The following RAB37 variants were observed in gnomAD, a reference collection of about 807,000 sequenced individuals.
RAB37 encodes the protein RAB37, member RAS oncogene family, also known as ras-related protein Rab-37.
Under a neutral mutation model 33.1 loss-of-function variants are expected in RAB37, and 29 were observed. The ratio of observed to expected loss-of-function variants is 0.88; its 90% confidence interval spans 0.65 to 1.20. The LOEUF (loss-of-function observed/expected upper bound fraction) is 1.20. Among genes scored for constraint, RAB37 ranks in the 50% most tolerant of loss-of-function variants. The probability of loss-of-function intolerance (pLI) is 0.00; values close to 1 mark genes in which losing one functional copy is unlikely to be tolerated. For missense variants in RAB37, 299 were observed against 301.1 expected (o/e 0.99, Z 0.05); for synonymous variants, 128 against 119.5 (o/e 1.07, Z -0.47).
chr17:74,745,418 G>A lies in RAB37; in HGVS notation c.*7G>A. The stretch of plus-strand genomic sequence containing the variant: ...CTGCTGCTCCTTCATGTGAATCCCA[G>A]GGGGCAGAGAGGAGGCTCTGGAGGC... On this transcript the variant is annotated 3_prime_UTR_variant, in exon 9 of 9. Transcript: ENST00000392613. This position sits in a 1 kb window ranked among gnomAD's most constrained non-coding sequence, Gnocchi z 4.5. The A allele has an allele frequency of 6.2e-7, 1 of 1,610,812 alleles. No individual in the cohort carries two copies. The highest frequency in any genetic ancestry group is 8.5e-7 in the Non-Finnish European group (1 of 1,177,064).
At chr17:74,690,339 C>T (rs2143501806) in intron 1 of RAB37, among the ~76,000 whole-genome samples, 1 of 152,210 alleles carries the variant, frequency 6.6e-6, no homozygotes, top group Non-Finnish European at 1.5e-5. Context: ...TAATTAGGCA[C>T]TCAATCAGGA....
intron 1 of RAB37, among the ~76,000 whole-genome samples, chr17:74,674,827 A>G (rs2031788390): frequency 6.6e-6 from 1 of 152,214 alleles, no homozygotes; most frequent in South Asian, 2.1e-4. Flanking sequence ...GCCCCCTCCC[A>G]CATTCCACTT....
Position 74,671,807 on chromosome 17 carries a change from C to T in RAB37, c.72+149C>T. ...GAGCCCTTTCTGTCTGATCCTGTTT[C>T]CTGCTCAAAACAGAGATGCGTGAGC... On this transcript the variant is annotated intron_variant, in intron 1 of 7. Coordinates refer to the RAB37 transcript ENST00000340415. This position sits in a 1 kb window ranked among gnomAD's most constrained non-coding sequence, Gnocchi z 5.0. The T allele has an allele frequency of 1.4e-6, 1 of 708,224 alleles. No homozygotes were observed. The highest frequency in any genetic ancestry group is 2.4e-6 in the Non-Finnish European group (1 of 413,856). The allele number at this position is 708,224 out of a possible 1,614,324, so 43.9% of individuals were successfully genotyped here.
At chr17:74,719,242 G>A (rs1167896326) in intron 1 of RAB37, among the ~76,000 whole-genome samples, 2 of 152,146 alleles carry the variant, frequency 1.3e-5, no homozygotes, top group East Asian at 1.9e-4. Context: ...GAGCCCAGGA[G>A]ATCGAGACCA....
Position 74,729,559 on chromosome 17 carries a change from A to G in RAB37, c.183+193A>G, listed in dbSNP as rs1423572988. Among the ~76,000 whole-genome samples, 1 of 152,036 alleles carries G rather than the reference A, an allele frequency of 6.6e-6. No homozygotes were observed. Among genetic ancestry groups the G allele is most frequent in the African/African-American group, 2.4e-5 (1 of 41,394 alleles). The stretch of plus-strand genomic sequence containing the variant: ...AGGGTATACTGCCCCTGGGTAGTCC[A>G]GGAACTCCGCCCACCTCTAGCCTCA... On this transcript the variant is annotated intron_variant, in intron 2 of 7. Coordinates refer to the RAB37 transcript ENST00000340415. The surrounding 1 kb of genome is among the most constrained non-coding windows in gnomAD (Gnocchi z 4.2).
At chr17:74,741,665 G>A (rs1224071544) in intron 2 of RAB37, among the ~76,000 whole-genome samples, 2 of 151,404 alleles carry the variant, frequency 1.3e-5, no homozygotes, top group African/African-American at 2.4e-5. Context: ...TCACCTTGAC[G>A]ACTCCATCTT....
chr17:74,743,352 C>G lies in RAB37; in HGVS notation c.366+12C>G, dbSNP rs768496762. On this transcript the variant is annotated intron_variant, in intron 5 of 8. Coordinates refer to ENST00000392613, the MANE Select transcript of RAB37 (RefSeq NM_001006638.3). ...TCGACAACATCAGGGTAGGTCCTCC[C>G]TTCCCCTGACTCCCACCCATAAGCA... The G allele has an allele frequency of 1.2e-6, 2 of 1,613,830 alleles. No homozygotes were observed. Among genetic ancestry groups the G allele is most frequent in the Admixed American group, 3.3e-5 (2 of 60,022 alleles).
At position 74,719,643 on chromosome 17, in the gene RAB37, C is replaced by T. The variant is rs565788495; in HGVS notation, c.73-9613C>T. On this transcript the variant is annotated intron_variant, in intron 1 of 7. Coordinates refer to the RAB37 transcript ENST00000340415. ...AGTAATCCTCCTGCCTCAGCCTCCC[C>T]AATAGCTGGGAATACAGGCATGCAC... 1.6e-4 allele frequency among the ~76,000 whole-genome samples: 25 copies of T among 152,012 alleles called. No individual in the cohort carries two copies. In the South Asian group the frequency reaches 3.7e-3, roughly 23 times the overall value.
Position 74,745,248 on chromosome 17 carries a change from C to T in RAB37, c.567-58C>T, listed in dbSNP as rs1281817844. The T allele has an allele frequency of 2.7e-5, 43 of 1,566,688 alleles. No homozygotes were observed. Among genetic ancestry groups the T allele is most frequent in the Non-Finnish European group, 3.7e-5 (42 of 1,138,002 alleles). On this transcript the variant is annotated intron_variant, in intron 8 of 8. Transcript: ENST00000392613. This position sits in a 1 kb window ranked among gnomAD's most constrained non-coding sequence, Gnocchi z 4.5. ...GCCACTGGGAGAGGGGAGGGGGCGGCTCAGCTCCTCACCCCAGCCCAGCCC... is the reference window on the plus strand; with the variant it reads ...GCCACTGGGAGAGGGGAGGGGGCGGTTCAGCTCCTCACCCCAGCCCAGCCC...
chr17:74,729,412 C>A lies in RAB37; in HGVS notation c.183+46C>A. ...CCAGCTCTGGGCCTGGGCTCAGGAC[C>A]CCAGCGTGTTTCTGTTGAGTGCCAG... On this transcript the variant is annotated intron_variant, in intron 2 of 7. Coordinates refer to the RAB37 transcript ENST00000340415. The surrounding 1 kb of genome is among the most constrained non-coding windows in gnomAD (Gnocchi z 4.2). The A allele has an allele frequency of 7.4e-7, 1 of 1,356,748 alleles. No homozygotes were observed. The highest frequency in any genetic ancestry group is 1.7e-5 in the Admixed American group (1 of 59,690). The allele number at this position is 1,356,748 out of a possible 1,614,324, so 84.0% of individuals were successfully genotyped here.
chr17:74,671,503 G>T lies in RAB37; in HGVS notation c.-84G>T, dbSNP rs2031704322. On this transcript the variant is annotated 5_prime_UTR_variant, in exon 1 of 8. Transcript: ENST00000340415. This position sits in a 1 kb window ranked among gnomAD's most constrained non-coding sequence, Gnocchi z 5.0. ...CGCAGAGCTCAGACCCAAGCCTGCC[G>T]CACCCAGCGGAGCTCGAACCGAGCT... 3.8e-6 allele frequency: 5 copies of T among 1,323,644 alleles called. No homozygotes were observed. In the South Asian group the frequency reaches 4.7e-5, roughly 13 times the overall value. 82.0% of individuals were successfully genotyped at this position (1,323,644 alleles called of 1,614,324 possible).
chr17:74,684,958 A>G (rs1421421223), intron 1 of RAB37, among the ~76,000 whole-genome samples: 1 of 152,182 alleles, frequency 6.6e-6, no homozygotes, highest in Non-Finnish European at 1.5e-5. Flanking sequence ...TAATCACTAC[A>G]TAGAATTCCA....
At position 74,746,654 on chromosome 17, in the gene RAB37, T is replaced by C. The variant is rs1015822456; in HGVS notation, c.*1243T>C. On this transcript the variant is annotated 3_prime_UTR_variant, in exon 9 of 9. Coordinates refer to ENST00000392613, the MANE Select transcript of RAB37 (RefSeq NM_001006638.3). The surrounding 1 kb of genome is among the most constrained non-coding windows in gnomAD (Gnocchi z 5.2). ...AAATCCCTTTCCTAGGTTTGGAATG[T>C]GTTGTGAAAAAAAAGAGAAATCCCT... 6 of 151,990 alleles carry C rather than the reference T, an allele frequency of 3.9e-5. No individual in the cohort carries two copies. The highest frequency in any genetic ancestry group is 1.5e-4 in the African/African-American group (6 of 41,312). 9.4% of individuals were successfully genotyped at this position (151,990 alleles called of 1,614,324 possible).
At chr17:74,680,382 C>A (rs1333489418) in intron 1 of RAB37, among the ~76,000 whole-genome samples, 1 of 152,098 alleles carries the variant, frequency 6.6e-6, no homozygotes, top group African/African-American at 2.4e-5. Context: ...GGCTCCATCT[C>A]TCCAGTCAGG....
At position 74,705,217 on chromosome 17, in the gene RAB37, A is replaced by G. The variant is rs61738885; in HGVS notation, c.73-24039A>G. On this transcript the variant is annotated intron_variant, in intron 1 of 7. Coordinates refer to the RAB37 transcript ENST00000340415. ...ACAGGGTCTTACCTTGACTCTTAGC[A>G]CTGATGACCCTCATGAGGTCGAGCT... is the stretch of plus-strand genomic sequence containing the variant. 1.5e-3 allele frequency: 1,062 copies of G among 702,394 alleles called. 10 individuals carry two copies. The African/African-American group carries it at 0.017, about 11-fold the overall frequency. The allele number at this position is 702,394 out of a possible 1,614,324, so 43.5% of individuals were successfully genotyped here.
chr17:74,713,426 C>T (rs2143981750), intron 1 of RAB37, among the ~76,000 whole-genome samples: 1 of 152,126 alleles, frequency 6.6e-6, no homozygotes, highest in African/African-American at 2.4e-5. Context: ...TCTCTGTACA[C>T]AGCCACCGTG....
intron 1 of RAB37, among the ~76,000 whole-genome samples, chr17:74,680,801 G>A (rs1169005513): frequency 2.6e-5 from 4 of 151,676 alleles, no homozygotes; most frequent in Non-Finnish European, 2.9e-5. Flanking sequence ...GGGATGTTCC[G>A]TTCATCATCG....
intron 1 of RAB37, among the ~76,000 whole-genome samples, chr17:74,674,542 G>T (rs919263328): frequency 1.3e-5 from 2 of 152,026 alleles, no homozygotes; most frequent in African/African-American, 4.8e-5. Flanking sequence ...GCTAGGCGTG[G>T]TAACACACTC....
intron 1 of RAB37, chr17:74,704,691 C>T (rs143167670): frequency 6.2e-7 from 1 of 1,614,200 alleles, no homozygotes; most frequent in Non-Finnish European, 8.5e-7. Flanking sequence ...CGCCAAATAG[C>T]TCCTCGACAC....
Sources: gnomAD v4.1 joint callset for allele counts (sites outside exome capture counted in the v4.1 genomes callset) on GRCh38, gnomAD v4.1.1 for gene constraint, Gnocchi (gnomAD v3.1) non-coding constraint, MANE v1.5 for transcripts, NCBI Gene and HGNC (gene_info 2026-07-23, HGNC 2026-07-21) for gene names.